Variants in TMEM132D observed in about 807,000 individuals in gnomAD.
TMEM132D encodes transmembrane protein 132D, also known as mature OL transmembrane protein.
A neutral mutation model predicts 62.3 loss-of-function variants in TMEM132D; 21 were observed. The ratio of observed to expected loss-of-function variants is 0.34; its 90% CI spans 0.24 to 0.49. The LOEUF is 0.49. Ranked by LOEUF, TMEM132D falls within the 20% of genes least tolerant of loss-of-function variation. TMEM132D has a pLI of 0.99. For missense variants in TMEM132D, 1,346 were observed against 1,402.8 expected (o/e 0.96, Z 0.65); for synonymous variants, 621 against 575.6 (o/e 1.08, Z -1.13).
At chr12:129,130,664 C>T (rs1876350328) in intron 5 of TMEM132D, among the ~76,000 whole-genome samples, 1 of 152,052 alleles carries the variant, frequency 6.6e-6, no homozygotes, top group Non-Finnish European at 1.5e-5. Flanking sequence ...CAGTGGGACA[C>T]ACTATTGAGA....
intron 4 of TMEM132D, among the ~76,000 whole-genome samples, chr12:129,263,435 A>G (rs796073853): frequency 6.6e-6 from 1 of 152,266 alleles, no homozygotes; most frequent in African/African-American, 2.4e-5. Context: ...AAAGAAGGCA[A>G]AGAGTTTGCC....
At chr12:129,153,046 CGTAT>C (rs1445890889) in intron 5 of TMEM132D, among the ~76,000 whole-genome samples, 3 of 152,174 alleles carry the variant, frequency 2.0e-5, no homozygotes, top group Non-Finnish European at 4.4e-5. Context: ...CCTGGGCAGT[CGTAT>C]TTGCTTCCTG....
chr12:129,898,260 C>T (rs1875214875), intron 1 of TMEM132D, among the ~76,000 whole-genome samples: 1 of 152,136 alleles, frequency 6.6e-6, no homozygotes, highest in African/African-American at 2.4e-5. Flanking sequence ...CTTGGAAGCA[C>T]AGTTAAAAAT....
chr12:129,264,077 C>T (rs1197201188), intron 4 of TMEM132D, among the ~76,000 whole-genome samples: 2 of 152,154 alleles, frequency 1.3e-5, no homozygotes, highest in African/African-American at 4.8e-5. Flanking sequence ...CCCCATACTT[C>T]AGGTGGACAT....
chr12:129,540,850 G>T (rs1039173215), intron 2 of TMEM132D, among the ~76,000 whole-genome samples: 8 of 152,110 alleles, frequency 5.3e-5, no homozygotes, highest in Admixed American at 3.3e-4. Context: ...GCCCAGGCTG[G>T]GTCTCAAACT....
chr12:129,105,016 T>G (rs111779565), intron 5 of TMEM132D, among the ~76,000 whole-genome samples: 1 of 144,746 alleles, frequency 6.9e-6, no homozygotes, highest in Admixed American at 6.9e-5. Flanking sequence ...CTGGAAATAC[T>G]ATTTGACCCA....
At chr12:129,116,449 G>A (rs541143829) in intron 5 of TMEM132D, among the ~76,000 whole-genome samples, 1 of 152,202 alleles carries the variant, frequency 6.6e-6, no homozygotes, top group African/African-American at 2.4e-5. Context: ...GGAAGAAAAT[G>A]TAAAGACAAG....
chr12:129,226,788 T>C (rs555256053), intron 4 of TMEM132D, among the ~76,000 whole-genome samples: 1 of 152,298 alleles, frequency 6.6e-6, no homozygotes, highest in South Asian at 2.1e-4. Context: ...CTTTGTGACT[T>C]CATTAGGAAC....
chr12:129,438,225 A>T (rs976486238), intron 3 of TMEM132D, among the ~76,000 whole-genome samples: 2 of 152,172 alleles, frequency 1.3e-5, no homozygotes, highest in Non-Finnish European at 1.5e-5. Flanking sequence ...CCTTTAGAGT[A>T]AAATGATTTA....
chr12:129,867,597 G>A lies in TMEM132D; in HGVS notation c.79+35664C>T, dbSNP rs184317330. Among the ~76,000 whole-genome samples the A allele has an allele frequency of 7.0e-3, 1,064 of 152,292 alleles. 14 individuals are homozygous for A. The highest frequency in any genetic ancestry group is 0.024 in the African/African-American group (1,010 of 41,568). On this transcript the variant is annotated intron_variant, in intron 1 of 8. Coordinates refer to ENST00000422113, the MANE Select transcript of TMEM132D (RefSeq NM_133448.3). This position sits in a 1 kb window ranked among gnomAD's most constrained non-coding sequence, Gnocchi z 4.5. ...TGTACTGAGAGGATAAATCTTCAGT[G>A]TTTTCCTCATAAAAAGAGAAAGTAA...
intron 3 of TMEM132D, among the ~76,000 whole-genome samples, chr12:129,414,126 G>C (rs1447561902): frequency 6.6e-6 from 1 of 152,140 alleles, no homozygotes; most frequent in South Asian, 2.1e-4. Context: ...CGCATAAAGT[G>C]GGCGGCTGTG....
Position 129,785,688 on chromosome 12 carries a change from T to A in TMEM132D, c.80-84990A>T, listed in dbSNP as rs1031988700. On this transcript the variant is annotated intron_variant, in intron 1 of 8. Coordinates refer to ENST00000422113, the MANE Select transcript of TMEM132D (RefSeq NM_133448.3). ...GGAACCAACCCTTCTGGTGCCTAGA[T>A]CTCCAACTTCCAGTCTCTAGAACTG... 2.6e-5 allele frequency among the ~76,000 whole-genome samples: 4 copies of A among 152,184 alleles called. No homozygotes were observed. In the East Asian group the frequency reaches 7.7e-4, roughly 29 times the overall value.
At chr12:129,443,315 C>T in intron 3 of TMEM132D, among the ~76,000 whole-genome samples, 1 of 152,142 alleles carries the variant, frequency 6.6e-6, no homozygotes, top group East Asian at 1.9e-4. Flanking sequence ...CGACCGTATC[C>T]CACACCTCAA....
chr12:129,311,782 A>G (rs77272553), intron 4 of TMEM132D, among the ~76,000 whole-genome samples: 1,915 of 152,250 alleles, frequency 0.013, 44 homozygotes, highest in African/African-American at 0.043. Flanking sequence ...GGCACAGGCC[A>G]CCACTGATAC....
chr12:129,693,982 A>G (rs933490286), intron 2 of TMEM132D, among the ~76,000 whole-genome samples: 1 of 152,148 alleles, frequency 6.6e-6, no homozygotes, highest in Non-Finnish European at 1.5e-5. Context: ...CCTAGTGCCC[A>G]TCTTTGCTGT....
intron 1 of TMEM132D, among the ~76,000 whole-genome samples, chr12:129,734,858 A>G (rs546415343): frequency 8.7e-4 from 133 of 152,252 alleles, no homozygotes; most frequent in African/African-American, 3.1e-3. Context: ...CAAATATCCT[A>G]TTTCTCAGTG....
At chr12:129,182,781 A>T (rs1466192806) in intron 5 of TMEM132D, among the ~76,000 whole-genome samples, 1 of 152,238 alleles carries the variant, frequency 6.6e-6, no homozygotes, top group African/African-American at 2.4e-5. Context: ...ACACAAGGGA[A>T]TTGGATCTTC....
chr12:129,414,815 C>T (rs1051546772), intron 3 of TMEM132D, among the ~76,000 whole-genome samples: 8 of 152,150 alleles, frequency 5.3e-5, no homozygotes, highest in African/African-American at 1.4e-4. Flanking sequence ...TATCTGTTCC[C>T]CCACCCCACC....
intron 5 of TMEM132D, among the ~76,000 whole-genome samples, chr12:129,161,248 T>C (rs1377567296): frequency 1.3e-5 from 2 of 152,234 alleles, no homozygotes; most frequent in African/African-American, 4.8e-5. Flanking sequence ...TGGGTCATCA[T>C]TTATTCTAAA....
Sources: allele counts gnomAD v4.1 joint callset (sites outside exome capture counted in the v4.1 genomes callset), GRCh38; gene constraint gnomAD v4.1.1; non-coding constraint Gnocchi (gnomAD v3.1); transcripts MANE v1.5; gene names NCBI Gene and HGNC (gene_info 2026-07-23, HGNC 2026-07-21).